Variants in CAST observed in about 807,000 individuals in gnomAD.
CAST encodes MIR583 host.
Under a neutral mutation model 119.6 loss-of-function variants are expected in CAST, and 76 were observed. The ratio of observed to expected loss-of-function variants is 0.64; its 90% confidence interval spans 0.53 to 0.77. The LOEUF (loss-of-function observed/expected upper bound fraction) is 0.77. Ranked by LOEUF, CAST falls within the 30% of genes least tolerant of loss-of-function variation. The probability of loss-of-function intolerance (pLI) is 0.00; values close to 1 mark genes in which losing one functional copy is unlikely to be tolerated. For missense variants in CAST, 953 were observed against 946.5 expected, an observed-to-expected ratio of 1.01 and a Z score of -0.09; for synonymous variants, 319 against 331.6, an observed-to-expected ratio of 0.96 and a Z score of 0.41.
the CAST span, among the ~76,000 whole-genome samples, chr5:96,364,239 A>G: frequency 6.6e-6 from 1 of 152,158 alleles, no homozygotes; most frequent in Non-Finnish European, 1.5e-5. Flanking sequence ...GTTTGGCAGT[A>G]TTTTATTGAG....
chr5:96,132,915 G>A, the CAST span, among the ~76,000 whole-genome samples: 570 of 152,210 alleles, frequency 3.7e-3, 7 homozygotes, highest in African/African-American at 0.013. Flanking sequence ...AAGACAAGAT[G>A]CTAAAAGGAA....
the CAST span, among the ~76,000 whole-genome samples, chr5:96,172,971 A>G: frequency 4.3e-4 from 66 of 152,376 alleles, no homozygotes; most frequent in Middle Eastern, 3.4e-3. Flanking sequence ...ATATGCCACT[A>G]TGCTCATGAG....
chr5:96,200,138 G>C, the CAST span, among the ~76,000 whole-genome samples: 1 of 152,082 alleles, frequency 6.6e-6, no homozygotes, highest in African/African-American at 2.4e-5. Flanking sequence ...AAAGCTGCCC[G>C]TGTGAATGGG....
chr5:96,690,269 T>C (rs1362880411), intron 2 of CAST, among the ~76,000 whole-genome samples: 1 of 152,192 alleles, frequency 6.6e-6, no homozygotes, highest in Non-Finnish European at 1.5e-5. Flanking sequence ...TCTTGCTCTG[T>C]TGCCCAGGCT....
the CAST span, among the ~76,000 whole-genome samples, chr5:96,446,782 G>A: frequency 3.9e-5 from 6 of 152,132 alleles, no homozygotes; most frequent in African/African-American, 7.2e-5. Flanking sequence ...TCAGGCTGCC[G>A]TATCCTAGAG....
the CAST span, among the ~76,000 whole-genome samples, chr5:96,490,360 G>GTGTA: frequency 6.6e-6 from 1 of 151,054 alleles, no homozygotes; most frequent in East Asian, 1.9e-4. Context: ...GTGTCTGTGT[G>GTGTA]TGTGTGTGTG....
At chr5:96,516,498 G>C in the CAST span, among the ~76,000 whole-genome samples, 1 of 152,140 alleles carries the variant, frequency 6.6e-6, no homozygotes, top group South Asian at 2.1e-4. Flanking sequence ...TGCAGAATTA[G>C]GAAGGTGAAA....
chr5:96,745,542 C>T (rs1290784322), intron 16 of CAST, among the ~76,000 whole-genome samples: 1 of 152,142 alleles, frequency 6.6e-6, no homozygotes, highest in Non-Finnish European at 1.5e-5. Flanking sequence ...TGGAATATGC[C>T]AAGTGAACCT....
At chr5:96,617,734 T>A (rs547811698) in intron 1 of CAST, among the ~76,000 whole-genome samples, 5 of 125,472 alleles carry the variant, frequency 4.0e-5, no homozygotes, top group Non-Finnish European at 1.6e-5. Context: ...GGAGCTTGCA[T>A]TGAGCCAAGA....
At chr5:96,607,170 C>T (rs935170595) in intron 1 of CAST, among the ~76,000 whole-genome samples, 23 of 152,110 alleles carry the variant, frequency 1.5e-4, no homozygotes, top group African/African-American at 5.6e-4. Context: ...CGCCTGTAGT[C>T]CCAGCTACTC....
the CAST span, among the ~76,000 whole-genome samples, chr5:96,295,364 C>G: frequency 1.3e-5 from 2 of 152,130 alleles, no homozygotes; most frequent in Non-Finnish European, 1.5e-5. Context: ...TACAATGCAA[C>G]CTCTTTGAAC....
chr5:96,458,447 G>A, the CAST span, among the ~76,000 whole-genome samples: 1 of 152,176 alleles, frequency 6.6e-6, no homozygotes, highest in South Asian at 2.1e-4. Context: ...TAAGGATGGA[G>A]GAGGAGGGTA....
upstream of CAST, among the ~76,000 whole-genome samples, chr5:96,658,047 C>T (rs187161564): frequency 3.0e-4 from 46 of 151,882 alleles, no homozygotes; most frequent in African/African-American, 9.4e-4. Flanking sequence ...TGCGGTGAGC[C>T]GAGATCATGC....
chr5:96,713,047 T>C (rs535623132), intron 3 of CAST, among the ~76,000 whole-genome samples: 117 of 152,298 alleles, frequency 7.7e-4, no homozygotes, highest in African/African-American at 2.8e-3. Context: ...TTTCTTGCTC[T>C]CTGTTCAGTT....
At chr5:96,565,929 A>T (rs1746459369) in intron 1 of CAST, among the ~76,000 whole-genome samples, 1 of 152,228 alleles carries the variant, frequency 6.6e-6, no homozygotes, top group African/African-American at 2.4e-5. Flanking sequence ...CGTGACCCAG[A>T]TATAAATATC....
chr5:96,333,756 A>G, the CAST span, among the ~76,000 whole-genome samples: 60 of 152,196 alleles, frequency 3.9e-4, no homozygotes, highest in African/African-American at 1.4e-3. Flanking sequence ...AGGCTCTGGA[A>G]AGGGTGTCTG....
the CAST span, among the ~76,000 whole-genome samples, chr5:96,439,214 G>C: frequency 6.6e-6 from 1 of 152,128 alleles, no homozygotes; most frequent in African/African-American, 2.4e-5. Context: ...GGTAAAGTTG[G>C]TTGATTAAAT....
At chr5:96,241,772 G>A in the CAST span, among the ~76,000 whole-genome samples, 2 of 150,828 alleles carry the variant, frequency 1.3e-5, no homozygotes, top group Middle Eastern at 3.2e-3. Context: ...GGTGTGAGAT[G>A]GTATGTCATT....
At chr5:96,186,456 C>T in the CAST span, among the ~76,000 whole-genome samples, 3,893 of 152,234 alleles carry the variant, frequency 0.026, 179 homozygotes, top group African/African-American at 0.09. Context: ...CCAGTTTTTG[C>T]ACATTCAGTA....
Sources: allele counts gnomAD v4.1 joint callset (sites outside exome capture counted in the v4.1 genomes callset), GRCh38; gene constraint gnomAD v4.1.1; transcripts MANE v1.5; gene names NCBI Gene and HGNC (gene_info 2026-07-23, HGNC 2026-07-21).